Variants in FOXK1 observed in about 807,000 individuals in gnomAD.
FOXK1 encodes the protein forkhead box protein K1.
Under a neutral mutation model 51.9 loss-of-function variants are expected in FOXK1, and 19 were observed. That is an observed-to-expected ratio of 0.37 (90% CI 0.26 to 0.54). The LOEUF (loss-of-function observed/expected upper bound fraction) is 0.54, where lower values mean the gene tolerates loss of function less well. Among genes scored for constraint, FOXK1 ranks in the 20% least tolerant of loss-of-function variants. The pLI, the probability that FOXK1 is intolerant of heterozygous loss-of-function variation, is 0.87. For synonymous variants in FOXK1, 537 were observed against 482.6 expected (o/e 1.11, Z -1.48); for missense variants, 870 against 1,032.7 (o/e 0.84, Z 2.16).
At chr7:4,752,651 C>G (rs553234873) in intron 2 of FOXK1, among the ~76,000 whole-genome samples, 2 of 152,172 alleles carry the variant, frequency 1.3e-5, no homozygotes, top group African/African-American at 4.8e-5. Context: ...AGCCTGTGGC[C>G]GGAGATCAGA....
In FOXK1 at chr7:4,762,064, G is replaced by C. The variant is rs1050560980; in HGVS notation, c.1922-120G>C. The C allele has an allele frequency of 1.7e-6, 2 of 1,203,994 alleles. No individual in the cohort carries two copies. Among genetic ancestry groups the C allele is most frequent in the African/African-American group, 3.1e-5 (2 of 65,206 alleles). The allele number at this position is 1,203,994 out of a possible 1,614,324, so 74.6% of individuals were successfully genotyped here. On this transcript the variant is annotated intron_variant, in intron 8 of 8. Coordinates refer to ENST00000328914, the MANE Select transcript of FOXK1 (RefSeq NM_001037165.2). The surrounding 1 kb of genome is among the most constrained non-coding windows in gnomAD (Gnocchi z 5.7). ...CAGAGCAAGGGTAGCCGTCCTGCCTGGCAGGGGTGCACTGACCTCCGGTTC... is the reference window on the plus strand; with the variant it reads ...CAGAGCAAGGGTAGCCGTCCTGCCTCGCAGGGGTGCACTGACCTCCGGTTC...
Position 4,740,826 on chromosome 7 carries a change from C to T in FOXK1, c.561-12C>T. 1.9e-6 allele frequency: 3 copies of T among 1,589,970 alleles called. No individual in the cohort carries two copies. The highest frequency in any genetic ancestry group is 2.6e-6 in the Non-Finnish European group (3 of 1,169,854). ...CTCCTGCACCTCACACCCGCTCCTC[C>T]TCCTGTTGCAGGTGTACCTTCCGGT... is the stretch of plus-strand genomic sequence containing the variant. On this transcript the variant is annotated splice_polypyrimidine_tract_variant and intron_variant, in intron 1 of 8. Transcript: ENST00000328914.
rs1011167149 is a variant in FOXK1 at position 4,764,031 on chromosome 7, C to T, written c.*1567C>T. The stretch of plus-strand genomic sequence containing the variant: ...AAAGCAGCCTCTGCCCAGGCCCTGG[C>T]GGGAGAGCTGCAGAGGGACCCAGGT... On this transcript the variant is annotated 3_prime_UTR_variant, in exon 9 of 9. Transcript: ENST00000328914. 3.9e-5 allele frequency: 6 copies of T among 152,398 alleles called. No homozygotes were observed. Among genetic ancestry groups the T allele is most frequent in the African/African-American group, 1.2e-4 (5 of 41,462 alleles). The allele number at this position is 152,398 out of a possible 1,614,324, so 9.4% of individuals were successfully genotyped here. A position where few individuals can be genotyped will look rare whatever the true frequency, so the allele number is the denominator to read the frequency against.
In FOXK1 at chr7:4,766,038, C is replaced by G. The variant is rs76363028; in HGVS notation, c.*3574C>G. ...GTCTAGGGCATGGTACCCAGTATCCCGGTGTGTGCCCATCCTCAGCCACTT... is the reference window on the plus strand; with the variant it reads ...GTCTAGGGCATGGTACCCAGTATCCGGGTGTGTGCCCATCCTCAGCCACTT... On this transcript the variant is annotated 3_prime_UTR_variant, in exon 9 of 9. Transcript: ENST00000328914. The surrounding 1 kb of genome is among the most constrained non-coding windows in gnomAD (Gnocchi z 5.5). The G allele has an allele frequency of 6.6e-6, 1 of 152,280 alleles. No homozygotes were observed. Among genetic ancestry groups the G allele is most frequent in the Non-Finnish European group, 1.5e-5 (1 of 68,076 alleles). 9.4% of individuals were successfully genotyped at this position (152,280 alleles called of 1,614,324 possible).
At position 4,722,792 on chromosome 7, in the gene FOXK1, G is replaced by A. The variant is rs1780331405; in HGVS notation, c.561-18046G>A. 2.0e-5 allele frequency among the ~76,000 whole-genome samples: 3 copies of A among 152,246 alleles called. 1 individual carries two copies. The South Asian group carries it at 6.2e-4, about 32-fold the overall frequency. The stretch of plus-strand genomic sequence containing the variant: ...GATTCCGTTCCTTTGCTGCTGCCTT[G>A]GCCACAGGCCTCCACAGCCCTCTGC... On this transcript the variant is annotated intron_variant, in intron 1 of 8. Transcript: ENST00000328914. The surrounding 1 kb of genome is among the most constrained non-coding windows in gnomAD (Gnocchi z 5.1).
intron 2 of FOXK1, among the ~76,000 whole-genome samples, chr7:4,744,665 G>C (rs1398297656): frequency 6.6e-6 from 1 of 152,258 alleles, no homozygotes; most frequent in Non-Finnish European, 1.5e-5. Context: ...TGAGAAGCTG[G>C]GTGGCGGCCT....
intron 1 of FOXK1, among the ~76,000 whole-genome samples, chr7:4,740,213 G>A (rs1056413368): frequency 5.3e-5 from 8 of 152,114 alleles, no homozygotes; most frequent in Admixed American, 2.6e-4. Context: ...GGCGGATTAC[G>A]AGGTCAGGAG....
chr7:4,717,460 TGGG>T (rs1780250591), intron 1 of FOXK1, among the ~76,000 whole-genome samples: 2 of 49,298 alleles, frequency 4.1e-5, no homozygotes, highest in South Asian at 4.9e-4. Flanking sequence ...GGTGTGTGGC[TGGG>T]AGGCATGTGG....
rs893240325 is a variant in FOXK1, at chr7:4,715,805, C to T, written c.561-25033C>T. On this transcript the variant is annotated intron_variant, in intron 1 of 8. Coordinates refer to ENST00000328914, the MANE Select transcript of FOXK1 (RefSeq NM_001037165.2). This position sits in a 1 kb window ranked among gnomAD's most constrained non-coding sequence, Gnocchi z 4.5. ...AGAGCGCTCCCATCCACAGCCGGCT[C>T]TTTGAATACTTAAAGAAATGTAGGA... Among the ~76,000 whole-genome samples, 2 of 152,120 alleles carry T rather than the reference C, an allele frequency of 1.3e-5. No homozygotes were observed. Among genetic ancestry groups the T allele is most frequent in the Non-Finnish European group, 2.9e-5 (2 of 68,028 alleles).
At position 4,769,088 on chromosome 7, in the gene FOXK1, T is replaced by C. The variant is rs543471325; in HGVS notation, c.*6624T>C. 50 of 152,344 alleles carry C rather than the reference T, an allele frequency of 3.3e-4. 1 individual carries two copies. The highest frequency in any genetic ancestry group is 1.2e-3 in the African/African-American group (50 of 41,574). 9.4% of individuals were successfully genotyped at this position (152,344 alleles called of 1,614,324 possible). A position where few individuals can be genotyped will look rare whatever the true frequency, so the allele number is the denominator to read the frequency against. ...ACTCATCCTAATGGCTGGTTTTGGC[T>C]GCCCGGAGTATCAGAGAATATCACT... is the stretch of plus-strand genomic sequence containing the variant. On this transcript the variant is annotated 3_prime_UTR_variant, in exon 9 of 9. Transcript: ENST00000328914. The surrounding 1 kb of genome is among the most constrained non-coding windows in gnomAD (Gnocchi z 4.1).
intron 1 of FOXK1, among the ~76,000 whole-genome samples, chr7:4,708,803 G>A (rs922800081): frequency 2.2e-4 from 34 of 152,140 alleles, no homozygotes; most frequent in Non-Finnish European, 4.6e-4. Flanking sequence ...GGTGGCTCAC[G>A]CCTGTAATCC....
intron 1 of FOXK1, among the ~76,000 whole-genome samples, chr7:4,716,373 G>T (rs192104213): frequency 6.6e-6 from 1 of 152,262 alleles, no homozygotes; most frequent in East Asian, 1.9e-4. Flanking sequence ...GGATGTGGTG[G>T]CATGCACCCA....
intron 1 of FOXK1, among the ~76,000 whole-genome samples, chr7:4,720,815 T>G (rs1780299088): frequency 6.6e-6 from 1 of 151,416 alleles, no homozygotes; most frequent in African/African-American, 2.4e-5. Context: ...ACCTCCTGGG[T>G]TCAAGCGATT....
chr7:4,695,098 A>G (rs1325219010), intron 1 of FOXK1, among the ~76,000 whole-genome samples: 9 of 152,248 alleles, frequency 5.9e-5, no homozygotes, highest in Admixed American at 3.3e-4. Context: ...GAAGAAGGAG[A>G]ACTGCAAAGT....
Position 4,682,480 on chromosome 7 carries a change from C to A in FOXK1, c.172C>A (p.Pro58Thr). ...PPPGPPPPPP[P>T]PLPPGAIAGA... ...GCCCGGGCCGCCGCCGCCGCCGCCACCGCCGCTGCCTCCGGGCGCGATCGC... is the reference window on the plus strand; with the variant it reads ...GCCCGGGCCGCCGCCGCCGCCGCCAACGCCGCTGCCTCCGGGCGCGATCGC... The change falls in exon 1 of 9, where the codon CCG becomes ACG. Residue 58 changes from proline to threonine, a missense_variant. Pro to Thr is a conservative substitution (Grantham distance 38, BLOSUM62 -1). This residue lies in a region of FOXK1 where 399 missense variants were observed against 475.6 expected (regional missense o/e 0.84). Transcript: ENST00000328914. The surrounding 1 kb of genome is among the most constrained non-coding windows in gnomAD (Gnocchi z 7.6). 1 of 994,542 alleles carries A rather than the reference C, an allele frequency of 1.0e-6. No individual in the cohort carries two copies. Among genetic ancestry groups the A allele is most frequent in the Non-Finnish European group, 1.2e-6 (1 of 837,842 alleles). The allele number at this position is 994,542 out of a possible 1,614,324, so 61.6% of individuals were successfully genotyped here.
Position 4,733,592 on chromosome 7 carries a change from G to C in FOXK1, c.561-7246G>C, listed in dbSNP as rs1487078645. Among the ~76,000 whole-genome samples the C allele has an allele frequency of 1.3e-5, 2 of 152,178 alleles. No individual in the cohort carries two copies. The highest frequency in any genetic ancestry group is 2.9e-5 in the Non-Finnish European group (2 of 68,028). On this transcript the variant is annotated intron_variant, in intron 1 of 8. Transcript: ENST00000328914. The surrounding 1 kb of genome is among the most constrained non-coding windows in gnomAD (Gnocchi z 5.0). ...GGCAGAGAAACATGGTCTTCAGTTG[G>C]GTGGACGTTTCTCTGTCTCCATGTT...
chr7:4,727,180 G>A (rs1780391065), intron 1 of FOXK1, among the ~76,000 whole-genome samples: 1 of 152,110 alleles, frequency 6.6e-6, no homozygotes, highest in Non-Finnish European at 1.5e-5. Context: ...TTGCACTCCT[G>A]GCCTCAAGTG....
At chr7:4,728,304 C>T (rs745913344) in intron 1 of FOXK1, among the ~76,000 whole-genome samples, 1 of 152,244 alleles carries the variant, frequency 6.6e-6, no homozygotes, top group Non-Finnish European at 1.5e-5. Flanking sequence ...AATCATTTCT[C>T]TGTGGTTTTT....
intron 1 of FOXK1, among the ~76,000 whole-genome samples, chr7:4,685,970 A>C (rs989181142): frequency 2.6e-5 from 4 of 151,852 alleles, no homozygotes; most frequent in African/African-American, 9.7e-5. Flanking sequence ...AAAAAAAAAA[A>C]CCAAAAAACG....
Sources: allele counts gnomAD v4.1 joint callset (sites outside exome capture counted in the v4.1 genomes callset), GRCh38; gene constraint gnomAD v4.1.1; regional missense constraint gnomAD v4.1.1; non-coding constraint Gnocchi (gnomAD v3.1); transcripts MANE v1.5; gene names NCBI Gene and HGNC (gene_info 2026-07-23, HGNC 2026-07-21).